KIAA1217: variants seen among roughly 807,000 people sequenced by gnomAD.
KIAA1217 encodes the protein sickle tail protein homolog.
KIAA1217 carries 88 observed loss-of-function variants against 163.9 expected under a neutral mutation model. That is an observed-to-expected ratio of 0.54 (90% CI 0.45 to 0.64). The LOEUF (loss-of-function observed/expected upper bound fraction) is 0.64, where lower values mean the gene tolerates loss of function less well. Ranked by LOEUF, KIAA1217 falls within the 30% of genes least tolerant of loss-of-function variation. The pLI is 0.00. For missense variants in KIAA1217, 2,372 were observed against 2,475.0 expected (o/e 0.96, Z 0.88); for synonymous variants, 903 against 923.1 (o/e 0.98, Z 0.39).
intron 10 of KIAA1217, 110 bp from the exon 11 acceptor site, chr10:24,520,005 AGGGGGGAG>A: frequency 1.7e-6 from 2 of 1,148,666 alleles, no homozygotes; most frequent in Admixed American, 2.3e-5. Flanking sequence ...CACGAAAGGC[AGGGGGGAG>A]GAGCTGGGGC....
At position 24,433,048 on chromosome 10, in the gene KIAA1217, G is replaced by A; in HGVS notation, c.607G>A (p.Glu203Lys). The A allele has an allele frequency of 6.2e-7, 1 of 1,614,084 alleles. No homozygotes were observed. The highest frequency in any genetic ancestry group is 1.1e-5 in the South Asian group (1 of 91,086). ...DETKQLRMPN[E>K]ITSADTIRAL... ...AACCAAGCAGCTCAGGATGCCGAAT[G>A]AAATCACAAGTGCAGACACAATCCG... Residue 203 changes from glutamate (E) to lysine (K), a missense_variant, in exon 4 of 21, where the codon GAA becomes AAA. By Grantham distance (56) the Glu-to-Lys change is moderately conservative. This residue lies in a region of KIAA1217 where 1,431 missense variants were observed against 1,470.3 expected (regional missense o/e 0.97). Coordinates refer to ENST00000376454, the MANE Select transcript of KIAA1217 (RefSeq NM_019590.5).
chr10:24,067,117 T>A (rs2060982332), intron 2 of KIAA1217, among the ~76,000 whole-genome samples: 1 of 152,180 alleles, frequency 6.6e-6, no homozygotes, highest in Non-Finnish European at 1.5e-5. Context: ...AGTAGTTTGA[T>A]CTTCTGAAGC....
chr10:24,283,732 C>T (rs2078228191), intron 2 of KIAA1217, among the ~76,000 whole-genome samples: 1 of 152,062 alleles, frequency 6.6e-6, no homozygotes, highest in African/African-American at 2.4e-5. Context: ...ACCATTTTTG[C>T]ATTTCCATTA....
intron 1 of KIAA1217, among the ~76,000 whole-genome samples, chr10:23,786,462 A>T (rs779501355): frequency 6.6e-6 from 1 of 151,106 alleles, no homozygotes; most frequent in Non-Finnish European, 1.5e-5. Context: ...TATTGTCTTG[A>T]CTTTTCCGGC....
intron 4 of KIAA1217, among the ~76,000 whole-genome samples, chr10:24,438,171 C>A (rs1217164067): frequency 6.6e-6 from 1 of 151,836 alleles, no homozygotes; most frequent in Admixed American, 6.6e-5. Context: ...TCTTGGGGAA[C>A]AAGAAAAGGA....
At chr10:24,012,945 C>A (rs1401237571) in intron 2 of KIAA1217, among the ~76,000 whole-genome samples, 1 of 152,116 alleles carries the variant, frequency 6.6e-6, no homozygotes, top group African/African-American at 2.4e-5. Context: ...GTCCTCATTA[C>A]ATGTGGATTC....
intron 2 of KIAA1217, among the ~76,000 whole-genome samples, chr10:24,330,190 C>T (rs1173249727): frequency 6.6e-6 from 1 of 151,544 alleles, no homozygotes; most frequent in African/African-American, 2.4e-5. Flanking sequence ...ATCCCAGCTA[C>T]TCAGAAGGCT....
At chr10:24,454,688 A>G (rs2061634307) in intron 5 of KIAA1217, among the ~76,000 whole-genome samples, 1 of 152,156 alleles carries the variant, frequency 6.6e-6, no homozygotes, top group African/African-American at 2.4e-5. Context: ...GCAGTCACTT[A>G]CAAGGAAGGA....
At chr10:24,085,216 A>G (rs931324758) in intron 2 of KIAA1217, among the ~76,000 whole-genome samples, 1 of 152,102 alleles carries the variant, frequency 6.6e-6, no homozygotes, top group South Asian at 2.1e-4. Flanking sequence ...CCCGGCCCAG[A>G]GTTTACTTTT....
chr10:24,348,114 T>C (rs1156596104), intron 2 of KIAA1217, among the ~76,000 whole-genome samples: 1 of 152,156 alleles, frequency 6.6e-6, no homozygotes, highest in Non-Finnish European at 1.5e-5. Flanking sequence ...CCCAGCACTT[T>C]GGGAGGCAGA....
At chr10:24,409,393 T>C (rs184740196) in intron 3 of KIAA1217, among the ~76,000 whole-genome samples, 3 of 152,292 alleles carry the variant, frequency 2.0e-5, no homozygotes, top group East Asian at 3.9e-4. Context: ...TCTTCAAAAT[T>C]CTAGGGAATG....
intron 2 of KIAA1217, among the ~76,000 whole-genome samples, chr10:24,052,843 A>C (rs1006537155): frequency 1.3e-5 from 2 of 152,088 alleles, no homozygotes; most frequent in African/African-American, 4.8e-5. Context: ...TTAGGAGCAA[A>C]TTATCACGAG....
At chr10:24,342,943 C>T (rs2047283792) in intron 2 of KIAA1217, among the ~76,000 whole-genome samples, 1 of 152,198 alleles carries the variant, frequency 6.6e-6, no homozygotes, top group Non-Finnish European at 1.5e-5. Flanking sequence ...AGGCGTGAGC[C>T]ACTGCACCCG....
chr10:23,857,326 G>A (rs1468549170), intron 1 of KIAA1217, among the ~76,000 whole-genome samples: 2 of 152,088 alleles, frequency 1.3e-5, no homozygotes, highest in African/African-American at 2.4e-5. Context: ...TTCAAATAGT[G>A]CTGATAAGTT....
intron 2 of KIAA1217, chr10:24,368,968 G>A (rs897667965): frequency 3.1e-6 from 2 of 647,934 alleles, no homozygotes; most frequent in Non-Finnish European, 3.8e-6. Flanking sequence ...AGTGAGAACC[G>A]AGGTTCAGAA....
chr10:23,827,900 G>A (rs191787273), intron 1 of KIAA1217, among the ~76,000 whole-genome samples: 21 of 152,266 alleles, frequency 1.4e-4, no homozygotes, highest in Non-Finnish European at 2.2e-4. Context: ...GCCTCTAGGT[G>A]GTCTTAAAGG....
intron 1 of KIAA1217, among the ~76,000 whole-genome samples, chr10:23,707,444 G>A (rs1564354715): frequency 6.6e-6 from 1 of 152,164 alleles, no homozygotes. Flanking sequence ...CTTTTAAAAT[G>A]TCTGTTTCTG....
chr10:24,475,765 A>G (rs1291802038), intron 6 of KIAA1217, among the ~76,000 whole-genome samples: 2 of 152,208 alleles, frequency 1.3e-5, no homozygotes, highest in Non-Finnish European at 2.9e-5. Context: ...GAACAGACCA[A>G]TGTGACATCT....
At chr10:24,069,330 T>C (rs1291041420) in intron 2 of KIAA1217, among the ~76,000 whole-genome samples, 1 of 152,216 alleles carries the variant, frequency 6.6e-6, no homozygotes, top group Non-Finnish European at 1.5e-5. Flanking sequence ...TTTTGTTTTA[T>C]CTGCTTACTC....
Sources: gnomAD v4.1 joint callset for allele counts (sites outside exome capture counted in the v4.1 genomes callset) on GRCh38, gnomAD v4.1.1 for gene constraint, gnomAD v4.1.1 regional missense constraint, MANE v1.5 for transcripts, NCBI Gene and HGNC (gene_info 2026-07-23, HGNC 2026-07-21) for gene names.